Variants in UBE2K observed in about 807,000 individuals in gnomAD.
UBE2K encodes the protein ubiquitin conjugating enzyme E2 K.
Under a neutral mutation model 30.0 loss-of-function variants are expected in UBE2K, and 6 were observed. The observed-to-expected ratio is 0.20, with a 90% CI of 0.11 to 0.39. UBE2K has a LOEUF of 0.39. UBE2K is among the 10% of genes least tolerant of loss of function. UBE2K has a pLI of 1.00. For synonymous variants in UBE2K, 86 were observed against 83.7 expected, an observed-to-expected ratio of 1.03 and a Z score of -0.15; for missense variants, 61 against 241.6, an observed-to-expected ratio of 0.25 and a Z score of 4.96.
chr4:39,771,880 C>T (rs1362373398), intron 4 of UBE2K, among the ~76,000 whole-genome samples: 2 of 152,084 alleles, frequency 1.3e-5, no homozygotes, highest in Non-Finnish European at 2.9e-5. Context: ...TGGCTGTCTC[C>T]CTCAGGCTGG....
chr4:39,724,696 G>A (rs750614619), intron 1 of UBE2K, among the ~76,000 whole-genome samples: 3 of 151,736 alleles, frequency 2.0e-5, no homozygotes, highest in Non-Finnish European at 4.4e-5. Context: ...CTTTAGCCCC[G>A]GAGGCAAAAG....
chr4:39,720,891 A>G (rs1431326120), intron 1 of UBE2K, among the ~76,000 whole-genome samples: 1 of 152,026 alleles, frequency 6.6e-6, no homozygotes, highest in East Asian at 1.9e-4. Flanking sequence ...CTACAGGTAG[A>G]CACCACTGTG....
chr4:39,729,054 C>T (rs550327093), intron 1 of UBE2K, among the ~76,000 whole-genome samples: 52 of 151,004 alleles, frequency 3.4e-4, no homozygotes, highest in African/African-American at 1.1e-3. Flanking sequence ...CTGCTCCCTC[C>T]GTGTCTTGGA....
chr4:39,765,245 G>C (rs529270460), intron 4 of UBE2K, among the ~76,000 whole-genome samples: 1 of 152,258 alleles, frequency 6.6e-6, no homozygotes, highest in African/African-American at 2.4e-5. Flanking sequence ...ACTAGGCCAG[G>C]CATCGTGGCT....
At chr4:39,716,997 CAAAAAA>C (rs71194907) in intron 1 of UBE2K, among the ~76,000 whole-genome samples, 9 of 35,074 alleles carry the variant, frequency 2.6e-4, no homozygotes, top group Non-Finnish European at 3.9e-4. Flanking sequence ...GACTCCATCT[CAAAAAA>C]AAAAAAAAAA....
At chr4:39,742,019 G>C (rs1720727253) in intron 2 of UBE2K, among the ~76,000 whole-genome samples, 1 of 152,108 alleles carries the variant, frequency 6.6e-6, no homozygotes, top group African/African-American at 2.4e-5. Context: ...AGTTGTCAGA[G>C]CGTGTAACAT....
chr4:39,742,036 T>TAGA (rs1720729383), intron 2 of UBE2K, among the ~76,000 whole-genome samples: 1 of 152,128 alleles, frequency 6.6e-6, no homozygotes, highest in South Asian at 2.1e-4. Context: ...ACATAAGGGA[T>TAGA]AGAAATAAGA....
chr4:39,740,752 A>C (rs1164149965), intron 2 of UBE2K, among the ~76,000 whole-genome samples: 1 of 148,254 alleles, frequency 6.7e-6, no homozygotes, highest in Non-Finnish European at 1.5e-5. Context: ...AGTCCCAGCT[A>C]CTTGGGAGGC....
Position 39,736,835 on chromosome 4 carries a change from G to A in UBE2K, c.64-585G>A, listed in dbSNP as rs575583925. Among the ~76,000 whole-genome samples the A allele has an allele frequency of 3.0e-4, 46 of 152,298 alleles. 1 individual carries two copies. The South Asian group carries it at 9.3e-3, about 31-fold the overall frequency. On this transcript the variant is annotated intron_variant, in intron 1 of 6. Coordinates refer to ENST00000261427, the MANE Select transcript of UBE2K (RefSeq NM_005339.5). Reference sequence around the variant, plus strand: ...ATTGAAGAAGGCCTTTTCTTTTGAGGCATTTAGTCCTCTGGAATTTTTCAT... The same window carrying A: ...ATTGAAGAAGGCCTTTTCTTTTGAGACATTTAGTCCTCTGGAATTTTTCAT...
intron 4 of UBE2K, among the ~76,000 whole-genome samples, chr4:39,758,776 A>G (rs1711668247): frequency 6.6e-6 from 1 of 152,186 alleles, no homozygotes; most frequent in Non-Finnish European, 1.5e-5. Flanking sequence ...TATTACTTGT[A>G]ATTATCTTCC....
In UBE2K at chr4:39,765,837, G is replaced by A. The variant is rs1227130588; in HGVS notation, c.300-8997G>A. On this transcript the variant is annotated intron_variant, in intron 4 of 6. Transcript: ENST00000261427. ...TAAATAAGTAAGTAGGCTGGGCGTG[G>A]TGGCTCTTGCCTGTAACCCCAGCAC... Among the ~76,000 whole-genome samples, 6 of 151,902 alleles carry A rather than the reference G, an allele frequency of 3.9e-5. 1 individual carries two copies. Among genetic ancestry groups the A allele is most frequent in the Non-Finnish European group, 7.4e-5 (5 of 67,992 alleles).
chr4:39,746,753 T>C (rs1169505575), intron 3 of UBE2K, among the ~76,000 whole-genome samples: 1 of 152,232 alleles, frequency 6.6e-6, no homozygotes, highest in Non-Finnish European at 1.5e-5. Flanking sequence ...TTTGTCCCTA[T>C]TATTTAAAAT....
intron 4 of UBE2K, among the ~76,000 whole-genome samples, chr4:39,759,037 T>G (rs988900245): frequency 2.6e-5 from 4 of 152,196 alleles, no homozygotes; most frequent in African/African-American, 9.6e-5. Flanking sequence ...TTCCCAGAGC[T>G]TTACTGAGGT....
chr4:39,717,772 C>T (rs1719167600), intron 1 of UBE2K, among the ~76,000 whole-genome samples: 1 of 151,920 alleles, frequency 6.6e-6, no homozygotes, highest in South Asian at 2.1e-4. Flanking sequence ...GGAGTTTGTT[C>T]CTTCTGATGT....
intron 1 of UBE2K, among the ~76,000 whole-genome samples, chr4:39,730,353 T>G (rs1720003061): frequency 6.6e-6 from 1 of 152,094 alleles, no homozygotes; most frequent in South Asian, 2.1e-4. Flanking sequence ...TTTTTTTGTT[T>G]TTTTTCCACG....
chr4:39,765,527 CAAAT>C (rs1054427521), intron 4 of UBE2K, among the ~76,000 whole-genome samples: 64 of 151,524 alleles, frequency 4.2e-4, no homozygotes, highest in African/African-American at 1.5e-3. Flanking sequence ...GACCCTGTCT[CAAAT>C]AAGCAGGGCC....
chr4:39,702,236 T>C (rs28567929), intron 1 of UBE2K, among the ~76,000 whole-genome samples: 860 of 4,400 alleles, frequency 0.2, 97 homozygotes, highest in East Asian at 0.3. Context: ...CTTTTCTTTT[T>C]TTTTTTTTTT....
intron 4 of UBE2K, among the ~76,000 whole-genome samples, chr4:39,767,240 G>C (rs947075413): frequency 1.3e-5 from 2 of 149,662 alleles, no homozygotes; most frequent in African/African-American, 4.9e-5. Flanking sequence ...TTTTATATAT[G>C]GTATAATGTA....
rs11295454 is a variant in UBE2K, at chr4:39,724,121, ATT to A, written c.64-13284_64-13283del. 5.6e-3 allele frequency among the ~76,000 whole-genome samples: 792 copies of A among 142,348 alleles called. 2 individuals are homozygous for A. The highest frequency in any genetic ancestry group is 7.5e-3 in the Middle Eastern group (2 of 266). The allele number at this position is 142,348 out of a possible 152,430, so 93.4% of individuals were successfully genotyped here. A position where few individuals can be genotyped will look rare whatever the true frequency, so the allele number is the denominator to read the frequency against. ...AGCCACCATGCCCAGTCCTTTTTTA[ATT>A]TTTTTTTTTTTTTTAATTGTTGTCA... On this transcript the variant is annotated intron_variant, in intron 1 of 6. Coordinates refer to ENST00000261427, the MANE Select transcript of UBE2K (RefSeq NM_005339.5).
Sources: allele counts gnomAD v4.1 joint callset (sites outside exome capture counted in the v4.1 genomes callset), GRCh38; gene constraint gnomAD v4.1.1; transcripts MANE v1.5; gene names NCBI Gene and HGNC (gene_info 2026-07-23, HGNC 2026-07-21).